SNAPC1: variants seen among roughly 807,000 people sequenced by gnomAD.
SNAPC1 encodes small nuclear RNA activating complex polypeptide 1.
Under a neutral mutation model 50.1 loss-of-function variants are expected in SNAPC1, and 42 were observed. That is an observed-to-expected ratio of 0.84 (90% CI 0.65 to 1.08). The LOEUF (loss-of-function observed/expected upper bound fraction) is 1.08, where lower values mean the gene tolerates loss of function less well. SNAPC1 is among the 50% of genes least tolerant of loss of function. The pLI is 0.00. For missense variants in SNAPC1, 477 were observed against 427.3 expected (o/e 1.12, Z -1.02); for synonymous variants, 164 against 144.2 (o/e 1.14, Z -0.98).
rs750242531 is a variant in SNAPC1, at chr14:61,782,412, T to C, written c.976+15T>C. On this transcript the variant is annotated intron_variant, in intron 8 of 9. Coordinates refer to ENST00000216294, the MANE Select transcript of SNAPC1 (RefSeq NM_003082.4). Reference sequence around the variant, plus strand: ...CAGAAACAAAGGTAACTTTTTAAAGTCTTACTAAGATTCAACAAAGGAGAA... The same window carrying C: ...CAGAAACAAAGGTAACTTTTTAAAGCCTTACTAAGATTCAACAAAGGAGAA... The C allele has an allele frequency of 2.5e-6, 4 of 1,594,188 alleles. No individual in the cohort carries two copies. In the South Asian group the frequency reaches 4.6e-5, roughly 18 times the overall value.
At chr14:61,789,391 T>TACAC (rs2045137144) in intron 8 of SNAPC1, among the ~76,000 whole-genome samples, 1 of 152,148 alleles carries the variant, frequency 6.6e-6, no homozygotes, top group South Asian at 2.1e-4. Flanking sequence ...TATACATACA[T>TACAC]ACACACATGA....
At chr14:61,782,189 A>G (rs1342442989) in intron 7 of SNAPC1, 58 bp from the exon 8 acceptor site, 2 of 1,283,504 alleles carry the variant, frequency 1.6e-6, no homozygotes, top group East Asian at 2.4e-5. Context: ...CTTCCTCTCA[A>G]TTTTATCATT....
chr14:61,777,777 A>G (rs1295256510), intron 5 of SNAPC1, among the ~76,000 whole-genome samples: 2 of 152,078 alleles, frequency 1.3e-5, no homozygotes, highest in Non-Finnish European at 2.9e-5. Flanking sequence ...CTCTCTTCAA[A>G]GAGCATTACT....
rs568162973 is a variant in SNAPC1 at position 61,770,173 on chromosome 14, A to G, written c.534+1433A>G. ...CTACTCAGTCTTTTCTTGTATTACAATTGAAAGACAGGGATCAGATCTTAG... is the reference window on the plus strand; with the variant it reads ...CTACTCAGTCTTTTCTTGTATTACAGTTGAAAGACAGGGATCAGATCTTAG... On this transcript the variant is annotated intron_variant, in intron 4 of 9. Coordinates refer to ENST00000216294, the MANE Select transcript of SNAPC1 (RefSeq NM_003082.4). 2.6e-5 allele frequency among the ~76,000 whole-genome samples: 4 copies of G among 151,774 alleles called. No individual in the cohort carries two copies. The East Asian group carries it at 7.7e-4, about 29-fold the overall frequency.
chr14:61,770,361 A>AGTGAAT (rs2044979142), intron 4 of SNAPC1, among the ~76,000 whole-genome samples: 1 of 151,318 alleles, frequency 6.6e-6, no homozygotes, highest in African/African-American at 2.4e-5. Flanking sequence ...TTGTGTCTCA[A>AGTGAAT]CCCACTGAGT....
At position 61,795,765 on chromosome 14, in the gene SNAPC1, G is replaced by GT. The variant is rs1202380330; in HGVS notation, c.*784dup. 2.0e-5 allele frequency: 3 copies of GT among 150,126 alleles called. No individual in the cohort carries two copies. In the East Asian group the frequency reaches 5.8e-4, roughly 29 times the overall value. 9.3% of individuals were successfully genotyped at this position (150,126 alleles called of 1,614,324 possible). A position where few individuals can be genotyped will look rare whatever the true frequency, so the allele number is the denominator to read the frequency against. On this transcript the variant is annotated 3_prime_UTR_variant, in exon 10 of 10. Transcript: ENST00000216294. ...GAATATGCCACTCTGTTAATTTCTT[G>GT]TTCCAGACATTTTAATAGAGATTGC...
intron 8 of SNAPC1, among the ~76,000 whole-genome samples, chr14:61,791,732 C>T (rs780915071): frequency 5.3e-5 from 8 of 152,036 alleles, no homozygotes; most frequent in Non-Finnish European, 1.0e-4. Flanking sequence ...ACCTGTAGTC[C>T]CAGCTACTCA....
intron 7 of SNAPC1, among the ~76,000 whole-genome samples, chr14:61,781,807 C>T (rs8021670): frequency 0.15 from 22,469 of 152,246 alleles, 2,013 homozygotes; most frequent in South Asian, 0.32. Context: ...TGCTTGCCTC[C>T]CCACTCCCAA....
intron 1 of SNAPC1, among the ~76,000 whole-genome samples, chr14:61,764,588 C>A (rs2044933313): frequency 6.6e-6 from 1 of 152,032 alleles, no homozygotes; most frequent in Admixed American, 6.6e-5. Context: ...TCCACCATTA[C>A]AAAGATAGTG....
intron 8 of SNAPC1, among the ~76,000 whole-genome samples, chr14:61,784,268 G>GA (rs1198138469): frequency 3.3e-5 from 5 of 152,062 alleles, no homozygotes; most frequent in Non-Finnish European, 7.4e-5. Flanking sequence ...GAGTATTACT[G>GA]AAAAAATCCT....
chr14:61,780,787 A>G (rs764992232), intron 7 of SNAPC1, among the ~76,000 whole-genome samples: 7 of 151,702 alleles, frequency 4.6e-5, no homozygotes, highest in African/African-American at 9.7e-5. Context: ...CCATTGGTCT[A>G]TGTGTCTGTT....
chr14:61,787,778 A>G (rs2045125645), intron 8 of SNAPC1, among the ~76,000 whole-genome samples: 1 of 152,244 alleles, frequency 6.6e-6, no homozygotes, highest in Non-Finnish European at 1.5e-5. Context: ...CAAGGACTCA[A>G]ATATAGAAGT....
intron 7 of SNAPC1, among the ~76,000 whole-genome samples, chr14:61,779,627 A>T (rs1350754587): frequency 6.6e-6 from 1 of 150,504 alleles, no homozygotes; most frequent in Admixed American, 6.6e-5. Context: ...AAGGATATTA[A>T]CTACAGTTTT....
intron 4 of SNAPC1, among the ~76,000 whole-genome samples, chr14:61,770,779 A>G (rs1238279947): frequency 6.6e-6 from 1 of 151,956 alleles, no homozygotes; most frequent in Non-Finnish European, 1.5e-5. Context: ...CTGTAGCCCA[A>G]GTTGGAGTGC....
intron 4 of SNAPC1, among the ~76,000 whole-genome samples, chr14:61,775,102 A>G (rs1296415949): frequency 1.3e-5 from 2 of 152,126 alleles, no homozygotes; most frequent in Admixed American, 1.3e-4. Flanking sequence ...TCTTAGAGCC[A>G]AGTCCCTATG....
chr14:61,792,410 C>G (rs1371550847), intron 8 of SNAPC1, among the ~76,000 whole-genome samples: 3 of 152,060 alleles, frequency 2.0e-5, no homozygotes, highest in Non-Finnish European at 4.4e-5. Context: ...TGTTCACATC[C>G]AAAAGTAAGG....
chr14:61,768,421 T>C (rs1001822606), intron 3 of SNAPC1, among the ~76,000 whole-genome samples: 2 of 152,236 alleles, frequency 1.3e-5, no homozygotes, highest in South Asian at 2.1e-4. Flanking sequence ...TTCTGTCTTA[T>C]CTGAATTTGT....
chr14:61,775,948 C>T (rs2045032214), intron 4 of SNAPC1, 147 bp from the exon 5 acceptor site: 9 of 568,972 alleles, frequency 1.6e-5, no homozygotes, highest in Non-Finnish European at 2.7e-5. Flanking sequence ...ATTTTGCTTA[C>T]ATGATTATGT....
intron 4 of SNAPC1, among the ~76,000 whole-genome samples, chr14:61,773,457 C>T (rs2045010211): frequency 7.4e-6 from 1 of 135,868 alleles, no homozygotes; most frequent in African/African-American, 2.8e-5. Flanking sequence ...GGCTGGAGTG[C>T]GATCTTGGCT....
Sources: gnomAD v4.1 joint callset for allele counts (sites outside exome capture counted in the v4.1 genomes callset) on GRCh38, gnomAD v4.1.1 for gene constraint, MANE v1.5 for transcripts, NCBI Gene and HGNC (gene_info 2026-07-23, HGNC 2026-07-21) for gene names.